PIP4P2: variants seen among roughly 807,000 people sequenced by gnomAD.
The protein encoded by PIP4P2 is type 2 phosphatidylinositol 4,5-bisphosphate 4-phosphatase.
Under a neutral mutation model 33.3 loss-of-function variants are expected in PIP4P2, and 19 were observed. The ratio of observed to expected loss-of-function variants is 0.57; its 90% CI spans 0.40 to 0.84. PIP4P2 has a LOEUF of 0.84. Among genes scored for constraint, PIP4P2 ranks in the 40% least tolerant of loss-of-function variants. PIP4P2 has a pLI of 0.00. For missense variants in PIP4P2, 270 were observed against 324.7 expected, an observed-to-expected ratio of 0.83 and a Z score of 1.29; for synonymous variants, 110 against 111.9, an observed-to-expected ratio of 0.98 and a Z score of 0.11.
At chr8:91,035,310 A>C (rs1812219686) in intron 1 of PIP4P2, among the ~76,000 whole-genome samples, 1 of 152,216 alleles carries the variant, frequency 6.6e-6, no homozygotes, top group African/African-American at 2.4e-5. Context: ...GGTACATTGG[A>C]ATATTACATT....
chr8:91,021,825 T>C (rs1236517921), intron 1 of PIP4P2, among the ~76,000 whole-genome samples: 1 of 152,188 alleles, frequency 6.6e-6, no homozygotes, highest in Non-Finnish European at 1.5e-5. Flanking sequence ...TGCTTATCCA[T>C]ACATATAAAT....
intron 4 of PIP4P2, 63 bp from the exon 5 acceptor site, chr8:91,008,858 G>T: frequency 7.2e-7 from 1 of 1,397,714 alleles, no homozygotes. Context: ...AATCTGATAA[G>T]ACATTTCTTT....
intron 1 of PIP4P2, among the ~76,000 whole-genome samples, chr8:91,027,453 G>A (rs1326671072): frequency 2.0e-5 from 3 of 151,974 alleles, no homozygotes; most frequent in African/African-American, 7.3e-5. Context: ...CAAGCCCTTT[G>A]TCTCAAGATC....
At chr8:91,007,493 A>C (rs1358775991) in intron 5 of PIP4P2, among the ~76,000 whole-genome samples, 1 of 152,204 alleles carries the variant, frequency 6.6e-6, no homozygotes, top group Non-Finnish European at 1.5e-5. Context: ...TAAAATATGA[A>C]TATTATTTCA....
intron 5 of PIP4P2, among the ~76,000 whole-genome samples, chr8:91,000,237 A>G (rs1350141008): frequency 6.6e-6 from 1 of 151,952 alleles, no homozygotes; most frequent in African/African-American, 2.4e-5. Flanking sequence ...TTTGTTTCTC[A>G]AAACTTATTA....
Position 91,028,266 on chromosome 8 carries a change from CAAGA to C in PIP4P2, c.107-6866_107-6863del, listed in dbSNP as rs1358923545. On this transcript the variant is annotated intron_variant, in intron 1 of 6. Coordinates refer to ENST00000285419, the MANE Select transcript of PIP4P2 (RefSeq NM_018710.3). ...ACCAGCAACCCAACTTTGGTAGCCA[CAAGA>C]AAGAGAGAGTCACAATCTTTCAACC... Among the ~76,000 whole-genome samples, 13 of 152,264 alleles carry C rather than the reference CAAGA, an allele frequency of 8.5e-5. No homozygotes were observed. In the East Asian group the frequency reaches 1.3e-3, roughly 16 times the overall value.
intron 4 of PIP4P2, among the ~76,000 whole-genome samples, chr8:91,015,164 C>T (rs563731813): frequency 6.6e-6 from 1 of 152,258 alleles, no homozygotes; most frequent in Non-Finnish European, 1.5e-5. Flanking sequence ...CCCCTATTAC[C>T]TCTCTTAGCT....
intron 6 of PIP4P2, 100 bp downstream of exon 6, chr8:90,996,554 G>A (rs1265238985): frequency 1.1e-5 from 10 of 898,314 alleles, no homozygotes; most frequent in African/African-American, 1.7e-5. Context: ...TGCCAAGGAG[G>A]CAGCCTCTTC....
At chr8:91,038,695 T>G (rs1361918419) in intron 1 of PIP4P2, among the ~76,000 whole-genome samples, 2 of 152,204 alleles carry the variant, frequency 1.3e-5, no homozygotes, top group Non-Finnish European at 2.9e-5. Context: ...TGTTTGTTAC[T>G]TATGAAGAAA....
intron 2 of PIP4P2, 121 bp downstream of exon 2, chr8:91,021,135 A>T: frequency 8.5e-7 from 1 of 1,170,912 alleles, no homozygotes. Flanking sequence ...GACAGGAAAA[A>T]AGATTACCAT....
intron 5 of PIP4P2, among the ~76,000 whole-genome samples, chr8:90,997,787 A>C (rs572779925): frequency 6.6e-6 from 1 of 152,258 alleles, no homozygotes; most frequent in East Asian, 1.9e-4. Flanking sequence ...AGAATGTCTG[A>C]TGAATAAGTA....
chr8:91,018,272 T>C (rs1811947831), intron 4 of PIP4P2, 118 bp downstream of exon 4: 3 of 1,478,234 alleles, frequency 2.0e-6, no homozygotes, highest in Non-Finnish European at 2.7e-6. Context: ...AATAAGTCTC[T>C]ATTTTAATAT....
chr8:91,004,532 C>G (rs539811026), intron 5 of PIP4P2, among the ~76,000 whole-genome samples: 20 of 152,068 alleles, frequency 1.3e-4, no homozygotes, highest in Non-Finnish European at 2.9e-4. Flanking sequence ...GTATCAAATG[C>G]TACAGAGAAA....
intron 1 of PIP4P2, among the ~76,000 whole-genome samples, chr8:91,025,502 A>G (rs1278094454): frequency 3.9e-5 from 6 of 152,036 alleles, no homozygotes; most frequent in African/African-American, 1.4e-4. Context: ...TAAAGATTTA[A>G]ATTGTTTTGT....
At chr8:91,005,947 A>G (rs1811757576) in intron 5 of PIP4P2, among the ~76,000 whole-genome samples, 1 of 152,242 alleles carries the variant, frequency 6.6e-6, no homozygotes. Context: ...AGTACCAGCT[A>G]CCATTCGAGT....
chr8:91,040,283 C>T (rs1232700895), intron 1 of PIP4P2, among the ~76,000 whole-genome samples: 1 of 152,184 alleles, frequency 6.6e-6, no homozygotes, highest in East Asian at 1.9e-4. Flanking sequence ...ATTTGCACCA[C>T]CTCCTAGCTG....
At chr8:91,013,996 A>C (rs1811874755) in intron 4 of PIP4P2, among the ~76,000 whole-genome samples, 1 of 152,234 alleles carries the variant, frequency 6.6e-6, no homozygotes, top group Admixed American at 6.5e-5. Context: ...AAATACAGTA[A>C]ATTGAATAAA....
intron 1 of PIP4P2, among the ~76,000 whole-genome samples, chr8:91,030,146 G>A (rs1812143095): frequency 6.7e-6 from 1 of 149,124 alleles, no homozygotes; most frequent in African/African-American, 2.5e-5. Flanking sequence ...TCTACCTATA[G>A]GAAGAAAAAG....
intron 1 of PIP4P2, among the ~76,000 whole-genome samples, chr8:91,029,872 T>A (rs904766932): frequency 1.3e-5 from 2 of 151,642 alleles, no homozygotes; most frequent in Admixed American, 1.3e-4. Flanking sequence ...GAGGCTGAGG[T>A]AGGAGAATGG....
Sources: gnomAD v4.1 joint callset for allele counts (sites outside exome capture counted in the v4.1 genomes callset) on GRCh38, gnomAD v4.1.1 for gene constraint, MANE v1.5 for transcripts, NCBI Gene and HGNC (gene_info 2026-07-23, HGNC 2026-07-21) for gene names.